The following MYO18B variants were observed in gnomAD, a reference collection of about 807,000 sequenced individuals.
The protein encoded by MYO18B is myosin XVIIIB, also known as unconventional myosin-XVIIIb.
MYO18B carries 204 observed loss-of-function variants against 273.0 expected under a neutral mutation model. That is an observed-to-expected ratio of 0.75 (90% CI 0.67 to 0.84). The LOEUF is 0.84. MYO18B is among the 40% of genes least tolerant of loss of function. MYO18B has a pLI of 0.00. For synonymous variants in MYO18B, 1,330 were observed against 1,305.7 expected (o/e 1.02, Z -0.40); for missense variants, 3,212 against 3,287.6 (o/e 0.98, Z 0.56).
intron 22 of MYO18B, among the ~76,000 whole-genome samples, chr22:25,872,761 C>T (rs554297650): frequency 2.3e-4 from 35 of 152,144 alleles, no homozygotes; most frequent in Admixed American, 1.8e-3. Context: ...CCCTGCATGT[C>T]GAGTGGTTGT....
At position 25,832,796 on chromosome 22, in the gene MYO18B, A is replaced by G. The variant is rs934591989; in HGVS notation, c.2980-121A>G. ...TGTATCTTTTGCCAAAATTTAAAAA[A>G]ACGATTTTTTTAAAGGGCCAAGAGG... is the stretch of plus-strand genomic sequence containing the variant. On this transcript the variant is annotated intron_variant, in intron 15 of 43. Transcript: ENST00000335473. The G allele has an allele frequency of 2.9e-5, 24 of 823,308 alleles. No individual in the cohort carries two copies. In the African/African-American group the frequency reaches 3.6e-4, roughly 12 times the overall value. 51.0% of individuals were successfully genotyped at this position (823,308 alleles called of 1,614,324 possible).
intron 32 of MYO18B, 64 bp from the exon 33 acceptor site, chr22:25,910,882 C>T (rs548341165): frequency 1.5e-6 from 2 of 1,339,180 alleles, no homozygotes; most frequent in African/African-American, 2.9e-5. Flanking sequence ...GGGTCCTTGC[C>T]TTGTAGGATG....
At position 25,772,417 on chromosome 22, in the gene MYO18B, G is replaced by A. The variant is rs2086755207; in HGVS notation, c.1776G>A (p.Leu592=). The A allele has an allele frequency of 6.2e-7, 1 of 1,614,030 alleles. No homozygotes were observed. Among genetic ancestry groups the A allele is most frequent in the Middle Eastern group, 1.6e-4 (1 of 6,062 alleles). Residue 592 remains leucine, a synonymous_variant, in exon 7 of 44, where the codon CTG becomes CTA. Transcript: ENST00000335473. ...VNESSVLNTL[L]QRYKAQLLHT... Reference sequence around the variant, plus strand: ...AATCCAGTGTCCTGAACACGCTTCTGCAGCGCTACAAAGCTCAGCTGCTGC... The same window carrying A: ...AATCCAGTGTCCTGAACACGCTTCTACAGCGCTACAAAGCTCAGCTGCTGC...
At chr22:26,011,976 T>C (rs1446276867) in intron 42 of MYO18B, among the ~76,000 whole-genome samples, 1 of 152,206 alleles carries the variant, frequency 6.6e-6, no homozygotes, top group African/African-American at 2.4e-5. Context: ...TCTGTAAACA[T>C]TTGCAGCCCC....
At chr22:26,061,387 T>C in the MYO18B span, among the ~76,000 whole-genome samples, 2 of 152,142 alleles carry the variant, frequency 1.3e-5, no homozygotes, top group African/African-American at 2.4e-5. Flanking sequence ...GGGTCTGCTT[T>C]CTGTTTTCCA....
chr22:25,987,319 C>T (rs1226709734), intron 39 of MYO18B, among the ~76,000 whole-genome samples: 1 of 152,172 alleles, frequency 6.6e-6, no homozygotes, highest in Non-Finnish European at 1.5e-5. Flanking sequence ...AACTGCTTCT[C>T]ACATGGGCAA....
At chr22:26,013,808 A>G (rs544369171) in intron 42 of MYO18B, among the ~76,000 whole-genome samples, 2 of 152,144 alleles carry the variant, frequency 1.3e-5, no homozygotes, top group South Asian at 4.2e-4. Flanking sequence ...ATCCTCTTTA[A>G]TGAAGTGTCT....
intron 12 of MYO18B, among the ~76,000 whole-genome samples, chr22:25,809,972 G>A (rs2088663105): frequency 6.7e-6 from 1 of 148,362 alleles, no homozygotes; most frequent in South Asian, 2.1e-4. Context: ...ATAAAAAATG[G>A]AAATAGTCCA....
chr22:26,053,655 C>A, the MYO18B span, among the ~76,000 whole-genome samples: 1 of 152,142 alleles, frequency 6.6e-6, no homozygotes, highest in African/African-American at 2.4e-5. Flanking sequence ...AACAATGAAG[C>A]ATTAACTCCT....
intron 10 of MYO18B, among the ~76,000 whole-genome samples, chr22:25,783,449 G>A (rs903295862): frequency 2.6e-4 from 40 of 152,312 alleles, no homozygotes; most frequent in African/African-American, 8.9e-4. Context: ...TTTCAGCCCC[G>A]TGGCCTCACC....
chr22:25,804,881 G>T (rs2088395583), intron 12 of MYO18B, among the ~76,000 whole-genome samples: 1 of 152,166 alleles, frequency 6.6e-6, no homozygotes, highest in Admixed American at 6.5e-5. Flanking sequence ...GAAGACCGTG[G>T]GCATCACCCA....
intron 1 of MYO18B, among the ~76,000 whole-genome samples, chr22:25,758,370 T>C (rs995069706): frequency 1.3e-5 from 2 of 151,706 alleles, no homozygotes; most frequent in African/African-American, 4.8e-5. Flanking sequence ...CCCAGCAGTT[T>C]CACTCAGAAG....
At position 25,903,699 on chromosome 22, in the gene MYO18B, G is replaced by T; in HGVS notation, c.5016G>T (p.Leu1672=). 1 of 1,609,614 alleles carries T rather than the reference G, an allele frequency of 6.2e-7. No individual in the cohort carries two copies. Among genetic ancestry groups the T allele is most frequent in the Non-Finnish European group, 8.5e-7 (1 of 1,178,008 alleles). The part of the protein sequence containing the change: ...VEMLQDHKRE[L]LGSPSLGENC... ...TGCTACAGGACCATAAACGGGAGCT[G>T]CTGGGGTCACCCTCTCTGGGGGAAA... Residue 1672 remains leucine, a synonymous_variant, in exon 31 of 44, where the codon CTG becomes CTT. Coordinates refer to ENST00000335473, the MANE Select transcript of MYO18B (RefSeq NM_032608.7).
chr22:26,024,227 G>T lies in MYO18B; in HGVS notation c.6471-2218G>T, dbSNP rs181458949. Among the ~76,000 whole-genome samples the T allele has an allele frequency of 7.2e-5, 11 of 152,096 alleles. No individual in the cohort carries two copies. The East Asian group carries it at 1.9e-3, about 27-fold the overall frequency. On this transcript the variant is annotated intron_variant, in intron 42 of 43. Coordinates refer to ENST00000335473, the MANE Select transcript of MYO18B (RefSeq NM_032608.7). Reference sequence around the variant, plus strand: ...TAATGATTAATAACCATTTATTATTGGTTATAAATTATTCATCATAACCAC... The same window carrying T: ...TAATGATTAATAACCATTTATTATTTGTTATAAATTATTCATCATAACCAC...
chr22:25,804,028 A>C (rs1027982682), intron 12 of MYO18B, among the ~76,000 whole-genome samples: 11 of 150,328 alleles, frequency 7.3e-5, no homozygotes, highest in Non-Finnish European at 1.6e-4. Context: ...TAGAGACTAA[A>C]CCACAGAGGG....
intron 42 of MYO18B, among the ~76,000 whole-genome samples, chr22:26,016,751 C>T (rs1464303574): frequency 2.0e-5 from 3 of 152,128 alleles, no homozygotes; most frequent in African/African-American, 7.2e-5. Flanking sequence ...CAGTATCTCC[C>T]AGTCTTGCTG....
intron 41 of MYO18B, 128 bp from the exon 42 acceptor site, chr22:26,004,590 G>T (rs1289081078): frequency 2.7e-6 from 3 of 1,095,032 alleles, no homozygotes; most frequent in African/African-American, 3.2e-5. Context: ...ACCTCTCTGG[G>T]ATGGCGAGTG....
intron 39 of MYO18B, among the ~76,000 whole-genome samples, chr22:25,962,198 T>C (rs1394398241): frequency 6.6e-6 from 1 of 152,232 alleles, no homozygotes; most frequent in African/African-American, 2.4e-5. Flanking sequence ...TGCATCCTGC[T>C]GCCTGCCTAT....
At chr22:25,937,314 C>A (rs1451318077) in intron 34 of MYO18B, among the ~76,000 whole-genome samples, 1 of 151,926 alleles carries the variant, frequency 6.6e-6, no homozygotes, top group South Asian at 2.1e-4. Context: ...AAACTCTTGG[C>A]CTCAACCGAT....
Sources: gnomAD v4.1 joint callset for allele counts (sites outside exome capture counted in the v4.1 genomes callset) on GRCh38, gnomAD v4.1.1 for gene constraint, MANE v1.5 for transcripts, NCBI Gene and HGNC (gene_info 2026-07-23, HGNC 2026-07-21) for gene names.